LRRC8E: variants seen among roughly 807,000 people sequenced by gnomAD.
The protein encoded by LRRC8E is volume-regulated anion channel subunit LRRC8E.
In LRRC8E, 6 loss-of-function variants were observed where a neutral mutation model predicts 6.1. The ratio of observed to expected loss-of-function variants is 0.98; its 90% confidence interval spans 0.54 to 1.93. LRRC8E has a LOEUF of 1.93. Among genes scored for constraint, LRRC8E ranks in the 30% most tolerant of loss-of-function variants. The pLI is 0.01. For synonymous variants in LRRC8E, 485 were observed against 472.8 expected (o/e 1.03, Z -0.33); for missense variants, 1,028 against 1,031.4 (o/e 1.00, Z 0.04).
intron 2 of LRRC8E, 150 bp from the exon 3 acceptor site, chr19:7,898,511 C>G (rs1029733294): frequency 4.4e-6 from 3 of 685,448 alleles, no homozygotes; most frequent in Admixed American, 4.9e-5. Flanking sequence ...AGGTGCCCAC[C>G]ACCATGCCCG....
At position 7,895,484 on chromosome 19, in the gene LRRC8E, GT is replaced by G; in HGVS notation, c.-5-112del. The G allele has an allele frequency of 7.4e-7, 1 of 1,356,268 alleles. No individual in the cohort carries two copies. Among genetic ancestry groups the G allele is most frequent in the Non-Finnish European group, 1.0e-6 (1 of 974,124 alleles). 84.0% of individuals were successfully genotyped at this position (1,356,268 alleles called of 1,614,324 possible). On this transcript the variant is annotated intron_variant, in intron 1 of 2. Coordinates refer to ENST00000306708, the MANE Select transcript of LRRC8E (RefSeq NM_025061.6). The surrounding 1 kb of genome is among the most constrained non-coding windows in gnomAD (Gnocchi z 4.7). ...GCACACACTTTGGTGGTTTGGACAAGTTTGGGCAGGGAGGGTCACAGGCCTG... is the reference window on the plus strand; with the variant it reads ...GCACACACTTTGGTGGTTTGGACAAGTTGGGCAGGGAGGGTCACAGGCCTG...
intron 2 of LRRC8E, among the ~76,000 whole-genome samples, chr19:7,897,178 C>CTT (rs917998429): frequency 1.1e-4 from 16 of 147,112 alleles, no homozygotes; most frequent in Admixed American, 4.1e-4. Context: ...TTTTCTTTTT[C>CTT]TTTTTTTTTT....
rs1265486116 is a variant in LRRC8E, at chr19:7,898,906, C to T, written c.384C>T (p.Ile128=). The change falls in exon 3 of 3, where the codon ATC becomes ATT. Residue 128 remains isoleucine (I), a synonymous_variant. Coordinates refer to ENST00000306708, the MANE Select transcript of LRRC8E (RefSeq NM_025061.6). ...FPYLVVIHTL[I]FMVCTSFWFK... ...ACCTCGTGGTCATTCACACACTCAT[C>T]TTCATGGTCTGCACCAGTTTCTGGT... is the stretch of plus-strand genomic sequence containing the variant. 2 of 1,614,110 alleles carry T rather than the reference C, an allele frequency of 1.2e-6. No individual in the cohort carries two copies. Among genetic ancestry groups the T allele is most frequent in the African/African-American group, 1.3e-5 (1 of 74,938 alleles).
intron 2 of LRRC8E, among the ~76,000 whole-genome samples, chr19:7,896,831 G>A (rs975944706): frequency 6.6e-6 from 1 of 152,068 alleles, no homozygotes; most frequent in Non-Finnish European, 1.5e-5. Context: ...CGGGCCTCAA[G>A]CCATCCTCCC....
intron 1 of LRRC8E, among the ~76,000 whole-genome samples, chr19:7,894,527 CCA>C (rs1357817100): frequency 2.0e-5 from 3 of 152,188 alleles, no homozygotes; most frequent in African/African-American, 7.2e-5. Context: ...GCGCCCAGCC[CCA>C]GTTACAGATT....
chr19:7,894,870 C>A (rs1007709474), intron 1 of LRRC8E, among the ~76,000 whole-genome samples: 1 of 152,246 alleles, frequency 6.6e-6, no homozygotes, highest in African/African-American at 2.4e-5. Context: ...CCTTCCTCCT[C>A]GGACATCCGG....
In LRRC8E at chr19:7,895,357, A is replaced by G; in HGVS notation, c.-5-242A>G. 1 of 504,180 alleles carries G rather than the reference A, an allele frequency of 2.0e-6. No individual in the cohort carries two copies. The highest frequency in any genetic ancestry group is 3.6e-6 in the Non-Finnish European group (1 of 275,194). 31.2% of individuals were successfully genotyped at this position (504,180 alleles called of 1,614,324 possible). ...TCTTCGAGGTCAGACAAGTCAGATC[A>G]GGTGCAGGGGTGCCCAGAGGGGAAC... On this transcript the variant is annotated intron_variant, in intron 1 of 2. Transcript: ENST00000306708. This position sits in a 1 kb window ranked among gnomAD's most constrained non-coding sequence, Gnocchi z 4.7.
intron 1 of LRRC8E, among the ~76,000 whole-genome samples, chr19:7,894,740 G>A (rs511650): frequency 0.4 from 60,634 of 152,126 alleles, 12,271 homozygotes; most frequent in East Asian, 0.56. Flanking sequence ...ATCTGTAATA[G>A]TGATAGCTTG....
chr19:7,900,089 G>A lies in LRRC8E; in HGVS notation c.1567G>A (p.Ala523Thr). ...HLEGLFPQEL[A>T]RAATLESLRE... ...GGAGGGGCTTTTCCCCCAGGAGCTA[G>A]CTCGGGCAGCCACCCTGGAGAGCCT... The change falls in exon 3 of 3, where the codon GCT becomes ACT. Residue 523 changes from alanine (A) to threonine (T), a missense_variant. Ala to Thr is a moderately conservative substitution (Grantham distance 58). Coordinates refer to ENST00000306708, the MANE Select transcript of LRRC8E (RefSeq NM_025061.6). This position sits in a 1 kb window ranked among gnomAD's most constrained non-coding sequence, Gnocchi z 5.0. 1 of 1,612,358 alleles carries A rather than the reference G, an allele frequency of 6.2e-7. No homozygotes were observed. Among genetic ancestry groups the A allele is most frequent in the Non-Finnish European group, 8.5e-7 (1 of 1,179,920 alleles).
Position 7,895,588 on chromosome 19 carries a change from C to G in LRRC8E, c.-5-11C>G, listed in dbSNP as rs764518431. 4 of 1,609,966 alleles carry G rather than the reference C, an allele frequency of 2.5e-6. No homozygotes were observed. Among genetic ancestry groups the G allele is most frequent in the Non-Finnish European group, 3.4e-6 (4 of 1,176,492 alleles). On this transcript the variant is annotated splice_polypyrimidine_tract_variant and intron_variant, in intron 1 of 2. Coordinates refer to ENST00000306708, the MANE Select transcript of LRRC8E (RefSeq NM_025061.6). This position sits in a 1 kb window ranked among gnomAD's most constrained non-coding sequence, Gnocchi z 4.7. ...CTCTCTCTACACCCCCCGTCTCGTC[C>G]CGTCCCACAGGCAGCATGATCCCAG...
At chr19:7,897,861 G>A (rs576618676) in intron 2 of LRRC8E, among the ~76,000 whole-genome samples, 2 of 152,028 alleles carry the variant, frequency 1.3e-5, no homozygotes, top group African/African-American at 4.8e-5. Context: ...TTCGGAGTTG[G>A]GACTTCAACA....
chr19:7,895,508 C>G lies in LRRC8E; in HGVS notation c.-5-91C>G. 6.7e-7 allele frequency: 1 copy of G among 1,499,712 alleles called. No individual in the cohort carries two copies. Among genetic ancestry groups the G allele is most frequent in the South Asian group, 1.2e-5 (1 of 82,182 alleles). 92.9% of individuals were successfully genotyped at this position (1,499,712 alleles called of 1,614,324 possible). The stretch of plus-strand genomic sequence containing the variant: ...AGTTTGGGCAGGGAGGGTCACAGGC[C>G]TGCCTGTGTCCGGCTCCTCGGAGGA... On this transcript the variant is annotated intron_variant, in intron 1 of 2. Transcript: ENST00000306708. This position sits in a 1 kb window ranked among gnomAD's most constrained non-coding sequence, Gnocchi z 4.7.
At chr19:7,889,395 T>C (rs1405319033) in intron 1 of LRRC8E, among the ~76,000 whole-genome samples, 2 of 150,548 alleles carry the variant, frequency 1.3e-5, no homozygotes, top group East Asian at 2.0e-4. Flanking sequence ...TGAGTTGAGA[T>C]TGGGCCACTG....
At position 7,901,005 on chromosome 19, in the gene LRRC8E, T is replaced by C; in HGVS notation, c.*92T>C. ...CTTCCAAGATAGGAAGCCAAGTGGG[T>C]CCAGGCCAGGAGATGGGGGGGGCGG... On this transcript the variant is annotated 3_prime_UTR_variant, in exon 3 of 3. Transcript: ENST00000306708. 3 of 512,642 alleles carry C rather than the reference T, an allele frequency of 5.9e-6. No homozygotes were observed. The highest frequency in any genetic ancestry group is 4.2e-5 in the Admixed American group (1 of 24,034). The allele number at this position is 512,642 out of a possible 1,614,324, so 31.8% of individuals were successfully genotyped here. A position where few individuals can be genotyped will look rare whatever the true frequency, so the allele number is the denominator to read the frequency against.
rs778339202 is a variant in LRRC8E, at chr19:7,899,633, G to C, written c.1111G>C (p.Asp371His). ...NDFAFMLHLIDQYDSLYSKRF... is the reference protein window; with the variant it reads ...NDFAFMLHLIHQYDSLYSKRF... Reference sequence around the variant, plus strand: ...CTTCGCCTTCATGCTGCACCTCATCGATCAGTACGACTCCCTCTACTCCAA... The same window carrying C: ...CTTCGCCTTCATGCTGCACCTCATCCATCAGTACGACTCCCTCTACTCCAA... The change falls in exon 3 of 3, where the codon GAT becomes CAT. Residue 371 changes from aspartate (D) to histidine (H), a missense_variant. By Grantham distance (81) the Asp-to-His change is moderately conservative. Transcript: ENST00000306708. 2 of 1,613,556 alleles carry C rather than the reference G, an allele frequency of 1.2e-6. No individual in the cohort carries two copies. The highest frequency in any genetic ancestry group is 2.2e-5 in the East Asian group (1 of 44,900).
chr19:7,896,561 G>A (rs1368693403), intron 2 of LRRC8E, among the ~76,000 whole-genome samples: 3 of 150,916 alleles, frequency 2.0e-5, no homozygotes, highest in South Asian at 2.1e-4. Flanking sequence ...GTGACAGAAC[G>A]AGACTCCATC....
At position 7,900,953 on chromosome 19, in the gene LRRC8E, C is replaced by T. The variant is rs1414145391; in HGVS notation, c.*40C>T. 6.8e-7 allele frequency: 1 copy of T among 1,462,502 alleles called. No individual in the cohort carries two copies. Among genetic ancestry groups the T allele is most frequent in the African/African-American group, 1.4e-5 (1 of 70,114 alleles). 90.6% of individuals were successfully genotyped at this position (1,462,502 alleles called of 1,614,324 possible). A position where few individuals can be genotyped will look rare whatever the true frequency, so the allele number is the denominator to read the frequency against. On this transcript the variant is annotated 3_prime_UTR_variant, in exon 3 of 3. Transcript: ENST00000306708. This position sits in a 1 kb window ranked among gnomAD's most constrained non-coding sequence, Gnocchi z 5.0. Reference sequence around the variant, plus strand: ...CGTTTTAGGTAGAGCCTTAAAAATGCTTCTGCCCTGGAATCTCAACCATTG... The same window carrying T: ...CGTTTTAGGTAGAGCCTTAAAAATGTTTCTGCCCTGGAATCTCAACCATTG...
chr19:7,889,214 G>T (rs1286004917), intron 1 of LRRC8E, among the ~76,000 whole-genome samples: 3 of 152,096 alleles, frequency 2.0e-5, no homozygotes, highest in Admixed American at 1.3e-4. Flanking sequence ...CACTTTGGGA[G>T]GCCGAGGTGG....
At position 7,899,040 on chromosome 19, in the gene LRRC8E, AC is replaced by A. The variant is rs762327890; in HGVS notation, c.520del (p.Gln174ArgfsTer14). 1.9e-6 allele frequency: 3 copies of A among 1,613,592 alleles called. No homozygotes were observed. Among genetic ancestry groups the A allele is most frequent in the Non-Finnish European group, 2.5e-6 (3 of 1,179,898 alleles). On this transcript the variant is annotated frameshift_variant, in exon 3 of 3. Coordinates refer to ENST00000306708, the MANE Select transcript of LRRC8E (RefSeq NM_025061.6). LOFTEE classifies it low-confidence loss of function (END_TRUNC). The stretch of plus-strand genomic sequence containing the variant: ...GCCCTATCCGAGGTCTCCGGGGAGA[AC>A]CAGAAGGGCCCAGCAGCCACCGAAC... ...TRALSEVSGENQKGPAATERA... is the reference protein window; with the variant it reads ...TRALSEVSGEXQKGPAATERA...
Sources: allele counts gnomAD v4.1 joint callset (sites outside exome capture counted in the v4.1 genomes callset), GRCh38; gene constraint gnomAD v4.1.1; non-coding constraint Gnocchi (gnomAD v3.1); transcripts MANE v1.5; gene names NCBI Gene and HGNC (gene_info 2026-07-23, HGNC 2026-07-21).